The following NUP205 variants were observed in gnomAD, a reference collection of about 807,000 sequenced individuals.
The protein encoded by NUP205 is nucleoporin 205, also known as nuclear pore complex protein Nup205.
Under a neutral mutation model 253.8 loss-of-function variants are expected in NUP205, and 76 were observed. The ratio of observed to expected loss-of-function variants is 0.30; its 90% confidence interval spans 0.25 to 0.36. NUP205 has a LOEUF of 0.36. Ranked by LOEUF, NUP205 falls within the 10% of genes least tolerant of loss-of-function variation. The pLI is 1.00. For missense variants in NUP205, 2,162 were observed against 2,425.5 expected (o/e 0.89, Z 2.28); for synonymous variants, 832 against 850.1 (o/e 0.98, Z 0.37).
chr7:135,616,034 A>C lies in NUP205; in HGVS notation c.3429A>C (p.Leu1143Phe), dbSNP rs1409413317. The change falls in exon 24 of 43, where the codon TTA becomes TTC. Residue 1143 changes from leucine to phenylalanine, a missense_variant. Physicochemically the swap from Leu to Phe is conservative, Grantham distance 22. Coordinates refer to ENST00000285968, the MANE Select transcript of NUP205 (RefSeq NM_015135.3). The stretch of plus-strand genomic sequence containing the variant: ...ATACCCAGAGGCTCCTACACCTCTT[A>C]CTGGATGACATGCCAGTGAAACCAT... Reference protein sequence around the residue: ...RSHTQRLLHLLLDDMPVKPYS... With the variant: ...RSHTQRLLHLFLDDMPVKPYS... 1 of 1,613,770 alleles carries C rather than the reference A, an allele frequency of 6.2e-7. No individual in the cohort carries two copies. Among genetic ancestry groups the C allele is most frequent in the South Asian group, 1.1e-5 (1 of 91,046 alleles).
At chr7:135,621,096 T>G (rs981412868) in intron 30 of NUP205, among the ~76,000 whole-genome samples, 1 of 152,374 alleles carries the variant, frequency 6.6e-6, no homozygotes, top group Admixed American at 6.5e-5. Context: ...GTGAGTGTTA[T>G]TTTGTATACA....
chr7:135,621,965 A>G (rs995695212), intron 30 of NUP205, among the ~76,000 whole-genome samples: 1 of 151,464 alleles, frequency 6.6e-6, no homozygotes, highest in African/African-American at 2.4e-5. Flanking sequence ...ACCACGCCCC[A>G]CTAATTTTTT....
chr7:135,611,647 A>G (rs1186120571), intron 22 of NUP205, among the ~76,000 whole-genome samples: 1 of 149,268 alleles, frequency 6.7e-6, no homozygotes, highest in Non-Finnish European at 1.5e-5. Flanking sequence ...GGTTGTTTCC[A>G]GTTTTTTTTT....
chr7:135,626,622 T>TA (rs1267181982), intron 33 of NUP205, among the ~76,000 whole-genome samples: 1 of 152,230 alleles, frequency 6.6e-6, no homozygotes, highest in Non-Finnish European at 1.5e-5. Flanking sequence ...TGTTTGCAGT[T>TA]ACACTATCTT....
intron 22 of NUP205, among the ~76,000 whole-genome samples, chr7:135,611,293 A>G (rs972278504): frequency 1.3e-5 from 2 of 152,148 alleles, no homozygotes; most frequent in African/African-American, 4.8e-5. Flanking sequence ...TACATGCGTG[A>G]GTCACTGCCT....
intron 13 of NUP205, among the ~76,000 whole-genome samples, chr7:135,595,850 G>T (rs186286073): frequency 6.6e-6 from 1 of 152,256 alleles, no homozygotes; most frequent in East Asian, 1.9e-4. Context: ...TAGGAAAATG[G>T]TTAGGTGGGA....
In NUP205 at chr7:135,558,100, T is replaced by A. The variant is rs773406382; in HGVS notation, c.28+128T>A. The A allele has an allele frequency of 2.6e-4, 211 of 815,802 alleles. 1 individual carries two copies. Among genetic ancestry groups the A allele is most frequent in the Non-Finnish European group, 6.0e-5 (28 of 468,130 alleles). 50.5% of individuals were successfully genotyped at this position (815,802 alleles called of 1,614,324 possible). A position where few individuals can be genotyped will look rare whatever the true frequency, so the allele number is the denominator to read the frequency against. On this transcript the variant is annotated intron_variant, in intron 1 of 42. Coordinates refer to ENST00000285968, the MANE Select transcript of NUP205 (RefSeq NM_015135.3). ...TGCGGTGCCTGCTTTTCCCTAATTC[T>A]GGGCCTAGAGTCCCACCCCTCCCCA...
chr7:135,562,790 C>T lies in NUP205; in HGVS notation c.28+4818C>T, dbSNP rs548481839. 2.6e-3 allele frequency among the ~76,000 whole-genome samples: 400 copies of T among 151,814 alleles called. 1 individual carries two copies. The highest frequency in any genetic ancestry group is 7.5e-3 in the African/African-American group (312 of 41,424). On this transcript the variant is annotated intron_variant, in intron 1 of 42. Transcript: ENST00000285968. ...TTGATCTCCTGACCTCGTATCTGCC[C>T]GCCTCGGTATCCCAAAGTGCTGGGA...
Position 135,581,360 on chromosome 7 carries a change from G to A in NUP205, c.1042+2445G>A, listed in dbSNP as rs550777840. Reference sequence around the variant, plus strand: ...GGAGTTCATGACAAACCTGGGCAATGTAGTGATACCTCATCTCTTCAAAAA... The same window carrying A: ...GGAGTTCATGACAAACCTGGGCAATATAGTGATACCTCATCTCTTCAAAAA... On this transcript the variant is annotated intron_variant, in intron 7 of 42. Coordinates refer to ENST00000285968, the MANE Select transcript of NUP205 (RefSeq NM_015135.3). Among the ~76,000 whole-genome samples, 7 of 152,140 alleles carry A rather than the reference G, an allele frequency of 4.6e-5. No homozygotes were observed. In the South Asian group the frequency reaches 1.5e-3, roughly 32 times the overall value.
At chr7:135,593,418 C>T (rs1247809264) in intron 12 of NUP205, among the ~76,000 whole-genome samples, 1 of 151,998 alleles carries the variant, frequency 6.6e-6, no homozygotes, top group East Asian at 1.9e-4. Context: ...ATAGCCTGAG[C>T]CTGAAAGAAA....
chr7:135,643,410 A>T (rs1269813274), intron 39 of NUP205, 52 bp downstream of exon 39: 1 of 1,475,116 alleles, frequency 6.8e-7, no homozygotes, highest in Non-Finnish European at 9.3e-7. Flanking sequence ...TGCTGTTACT[A>T]GGCCAGGGTA....
At chr7:135,578,415 AT>A (rs1806213121) in intron 6 of NUP205, among the ~76,000 whole-genome samples, 1 of 152,200 alleles carries the variant, frequency 6.6e-6, no homozygotes, top group Admixed American at 6.5e-5. Flanking sequence ...AGTAAATAAA[AT>A]TTTTGTGATC....
Position 135,619,770 on chromosome 7 carries a change from C to A in NUP205, c.4232-20C>A. ...TAATTGAGAAAAGATTTTCATTTGA[C>A]ATCTTCCTAATCTCCCTAGGTGGTG... On this transcript the variant is annotated intron_variant, in intron 29 of 42. Coordinates refer to ENST00000285968, the MANE Select transcript of NUP205 (RefSeq NM_015135.3). The A allele has an allele frequency of 6.3e-7, 1 of 1,596,394 alleles. No individual in the cohort carries two copies. Among genetic ancestry groups the A allele is most frequent in the East Asian group, 2.2e-5 (1 of 44,774 alleles).
At chr7:135,565,763 C>T (rs1805739645) in intron 1 of NUP205, among the ~76,000 whole-genome samples, 1 of 152,222 alleles carries the variant, frequency 6.6e-6, no homozygotes, top group African/African-American at 2.4e-5. Context: ...TCTAGTCCAT[C>T]AACCACACTA....
chr7:135,562,101 C>T, intron 1 of NUP205, among the ~76,000 whole-genome samples: 1 of 152,100 alleles, frequency 6.6e-6, no homozygotes, highest in Non-Finnish European at 1.5e-5. Flanking sequence ...TTTCATACCT[C>T]CTATTCCTTC....
At chr7:135,598,319 G>T (rs1257902074) in intron 15 of NUP205, 112 bp downstream of exon 15, 4 of 976,488 alleles carry the variant, frequency 4.1e-6, no homozygotes, top group Non-Finnish European at 4.6e-6. Flanking sequence ...AAAATTCACA[G>T]TCTTTGTTTT....
intron 10 of NUP205, among the ~76,000 whole-genome samples, chr7:135,591,111 C>T (rs1806617494): frequency 6.6e-6 from 1 of 151,562 alleles, no homozygotes; most frequent in Non-Finnish European, 1.5e-5. Context: ...TATAGGAACT[C>T]TGGATTTTAA....
At chr7:135,558,071 T>TA in intron 1 of NUP205, 99 bp downstream of exon 1, 1 of 998,416 alleles carries the variant, frequency 1.0e-6, no homozygotes, top group Admixed American at 1.7e-5. Flanking sequence ...GGACCCCACT[T>TA]ATGTGCGGTG....
At chr7:135,594,881 A>G in intron 13 of NUP205, 152 bp downstream of exon 13, 2 of 586,450 alleles carry the variant, frequency 3.4e-6, no homozygotes, top group Non-Finnish European at 5.8e-6. Flanking sequence ...TAGCAATAGA[A>G]ACTAATAGGC....
Sources: allele counts gnomAD v4.1 joint callset (sites outside exome capture counted in the v4.1 genomes callset), GRCh38; gene constraint gnomAD v4.1.1; transcripts MANE v1.5; gene names NCBI Gene and HGNC (gene_info 2026-07-23, HGNC 2026-07-21).